Variants in RYR2 observed in about 807,000 individuals in gnomAD.
The protein encoded by RYR2 is ryanodine receptor 2.
RYR2 carries 227 observed loss-of-function variants against 601.1 expected under a neutral mutation model. That is an observed-to-expected ratio of 0.38 (90% CI 0.34 to 0.42). The LOEUF (loss-of-function observed/expected upper bound fraction) is 0.42. Among genes scored for constraint, RYR2 ranks in the 10% least tolerant of loss-of-function variants. The pLI, the probability that RYR2 is intolerant of heterozygous loss-of-function variation, is 1.00. For missense variants in RYR2, 4,646 were observed against 6,156.5 expected, an observed-to-expected ratio of 0.75 and a Z score of 8.21; for synonymous variants, 2,223 against 2,175.1, an observed-to-expected ratio of 1.02 and a Z score of -0.61.
chr1:237,130,250 G>A (rs1343703718), intron 1 of RYR2, among the ~76,000 whole-genome samples: 1 of 152,070 alleles, frequency 6.6e-6, no homozygotes, highest in African/African-American at 2.4e-5. Context: ...TATAAAACTG[G>A]GGGAAGAGTA....
intron 84 of RYR2, among the ~76,000 whole-genome samples, chr1:237,766,684 A>T (rs1693871655): frequency 6.6e-6 from 1 of 152,218 alleles, no homozygotes; most frequent in Admixed American, 6.5e-5. Context: ...TGAGAAGCTT[A>T]GGCTTTGGCT....
intron 1 of RYR2, among the ~76,000 whole-genome samples, chr1:237,081,290 A>T (rs531983951): frequency 6.7e-6 from 1 of 148,934 alleles, no homozygotes; most frequent in African/African-American, 2.5e-5. Flanking sequence ...TAAAAAAAAA[A>T]AAAAAAAAAA....
At position 237,522,519 on chromosome 1, in the gene RYR2, T is replaced by G. The variant is rs368249702; in HGVS notation, c.2823-7908T>G. ...CTATAGGTACTCATCCTTTCTGTAC[T>G]CCCAGTATAGAAGCTTTCCCTGTGT... is the stretch of plus-strand genomic sequence containing the variant. On this transcript the variant is annotated intron_variant, in intron 24 of 104. Coordinates refer to ENST00000366574, the MANE Select transcript of RYR2 (RefSeq NM_001035.3). 2.0e-5 allele frequency among the ~76,000 whole-genome samples: 3 copies of G among 152,188 alleles called. No homozygotes were observed. In the East Asian group the frequency reaches 5.8e-4, roughly 29 times the overall value.
intron 73 of RYR2, among the ~76,000 whole-genome samples, chr1:237,722,441 T>C (rs1162494735): frequency 5.3e-5 from 8 of 151,762 alleles, no homozygotes; most frequent in African/African-American, 1.9e-4. Flanking sequence ...TTTTAATTTT[T>C]TTTTTTTTTT....
chr1:237,051,093 C>G (rs1661201448), intron 1 of RYR2, among the ~76,000 whole-genome samples: 1 of 152,134 alleles, frequency 6.6e-6, no homozygotes, highest in African/African-American at 2.4e-5. Flanking sequence ...GTCTGTTGAT[C>G]TCTGTTATTT....
intron 28 of RYR2, among the ~76,000 whole-genome samples, chr1:237,568,377 A>C (rs2618719): frequency 0.92 from 139,698 of 152,226 alleles, 64,782 homozygotes; most frequent in East Asian, 1. Flanking sequence ...ATTTATCTGA[A>C]AAAAAAATTC....
At chr1:237,271,765 G>A (rs989589307) in intron 2 of RYR2, among the ~76,000 whole-genome samples, 1 of 152,124 alleles carries the variant, frequency 6.6e-6, no homozygotes, top group African/African-American at 2.4e-5. Flanking sequence ...GTGCAAGAGA[G>A]GTGACATGAT....
chr1:237,469,654 GCTAGT>G (rs1215585464), intron 17 of RYR2, among the ~76,000 whole-genome samples: 2 of 152,008 alleles, frequency 1.3e-5, no homozygotes, highest in East Asian at 1.9e-4. Context: ...ATTGATTACT[GCTAGT>G]CTATTCTATA....
chr1:237,354,338 G>A lies in RYR2; in HGVS notation c.274-1627G>A, dbSNP rs532951999. The stretch of plus-strand genomic sequence containing the variant: ...CCATAACTTTATCTTTGCACTGATG[G>A]GAGTGTGTGTGTGTGTGTGTGTATG... On this transcript the variant is annotated intron_variant, in intron 3 of 104. Coordinates refer to ENST00000366574, the MANE Select transcript of RYR2 (RefSeq NM_001035.3). Among the ~76,000 whole-genome samples, 13 of 150,212 alleles carry A rather than the reference G, an allele frequency of 8.7e-5. No individual in the cohort carries two copies. The South Asian group carries it at 2.5e-3, about 29-fold the overall frequency.
intron 25 of RYR2, among the ~76,000 whole-genome samples, chr1:237,532,430 C>G (rs2147954746): frequency 6.6e-6 from 1 of 152,010 alleles, no homozygotes. Flanking sequence ...AGGGTGACAG[C>G]TCAATTATGC....
intron 1 of RYR2, among the ~76,000 whole-genome samples, chr1:237,251,268 T>C (rs910811716): frequency 1.3e-5 from 2 of 152,202 alleles, no homozygotes; most frequent in African/African-American, 4.8e-5. Context: ...AAGAGTTGTC[T>C]GTACCTGCTG....
intron 3 of RYR2, among the ~76,000 whole-genome samples, chr1:237,342,188 A>G (rs867700383): frequency 6.6e-6 from 1 of 150,616 alleles, no homozygotes; most frequent in Non-Finnish European, 1.5e-5. Flanking sequence ...TTGCTCTGTT[A>G]TCCATGCTGG....
intron 10 of RYR2, among the ~76,000 whole-genome samples, chr1:237,407,778 G>A (rs1308590112): frequency 1.3e-5 from 2 of 151,742 alleles, no homozygotes; most frequent in African/African-American, 4.8e-5. Context: ...CACCATGCCC[G>A]GCTAATTTTT....
At chr1:237,569,449 G>T (rs1341295084) in intron 29 of RYR2, 130 bp downstream of exon 29, 1 of 802,950 alleles carries the variant, frequency 1.2e-6, no homozygotes, top group African/African-American at 1.7e-5. Flanking sequence ...AATCGTGAGG[G>T]TGCCTTGTGA....
intron 67 of RYR2, among the ~76,000 whole-genome samples, chr1:237,706,017 G>T (rs527883543): frequency 1.3e-5 from 2 of 152,212 alleles, no homozygotes; most frequent in Non-Finnish European, 2.9e-5. Flanking sequence ...TTGGGAGGCC[G>T]AAGTGGGTAG....
At position 237,795,347 on chromosome 1, in the gene RYR2, A is replaced by T; in HGVS notation, c.13956+16A>T. On this transcript the variant is annotated intron_variant, in intron 96 of 104. Transcript: ENST00000366574. ...TAAAAGAAAGGTAATATTACTTGGAATCCTCTACATTTTTCTTAAAGCACA... is the reference window on the plus strand; with the variant it reads ...TAAAAGAAAGGTAATATTACTTGGATTCCTCTACATTTTTCTTAAAGCACA... 1 of 1,328,720 alleles carries T rather than the reference A, an allele frequency of 7.5e-7. No individual in the cohort carries two copies. The highest frequency in any genetic ancestry group is 1.0e-6 in the Non-Finnish European group (1 of 955,442). 82.3% of individuals were successfully genotyped at this position (1,328,720 alleles called of 1,614,324 possible).
chr1:237,752,372 G>A (rs887294365), intron 80 of RYR2, among the ~76,000 whole-genome samples: 1 of 151,700 alleles, frequency 6.6e-6, no homozygotes, highest in Non-Finnish European at 1.5e-5. Flanking sequence ...CTGGTCTAGA[G>A]CTCCTGGGCT....
chr1:237,172,592 A>T (rs901089654), intron 1 of RYR2, among the ~76,000 whole-genome samples: 2 of 152,216 alleles, frequency 1.3e-5, no homozygotes. Context: ...AGGGGTAAAA[A>T]GAGATGCAGA....
chr1:237,821,859 A>G (rs2819733), intron 101 of RYR2, among the ~76,000 whole-genome samples: 39,440 of 151,122 alleles, frequency 0.26, 5,536 homozygotes, highest in East Asian at 0.6. Flanking sequence ...AAAACACAGC[A>G]CAAGAACTTT....
Sources: gnomAD v4.1 joint callset for allele counts (sites outside exome capture counted in the v4.1 genomes callset) on GRCh38, gnomAD v4.1.1 for gene constraint, MANE v1.5 for transcripts, NCBI Gene and HGNC (gene_info 2026-07-23, HGNC 2026-07-21) for gene names.